Variants in AFF3 observed in about 807,000 individuals in gnomAD.
AFF3 encodes the protein ALF transcription elongation factor 3.
A neutral mutation model predicts 129.7 loss-of-function variants in AFF3; 32 were observed. That is an observed-to-expected ratio of 0.25 (90% confidence interval 0.19 to 0.33). AFF3 has a LOEUF of 0.33. Ranked by LOEUF, AFF3 falls within the 10% of genes least tolerant of loss-of-function variation. The pLI is 1.00. For synonymous variants in AFF3, 644 were observed against 635.4 expected (o/e 1.01, Z -0.20); for missense variants, 1,373 against 1,592.0 (o/e 0.86, Z 2.34).
intron 11 of AFF3, among the ~76,000 whole-genome samples, chr2:99,684,203 A>C (rs1053598123): frequency 1.3e-5 from 2 of 152,228 alleles, no homozygotes; most frequent in Non-Finnish European, 2.9e-5. Flanking sequence ...TGAGGAAAAA[A>C]GCCATCTGCC....
intron 7 of AFF3, among the ~76,000 whole-genome samples, chr2:99,848,059 A>G (rs1466022991): frequency 2.0e-5 from 3 of 151,866 alleles, no homozygotes; most frequent in Non-Finnish European, 4.4e-5. Flanking sequence ...ACGTGGGGGG[A>G]TCACCTGAGG....
At chr2:99,755,077 G>C (rs1681979234) in intron 8 of AFF3, among the ~76,000 whole-genome samples, 1 of 151,890 alleles carries the variant, frequency 6.6e-6, no homozygotes, top group African/African-American at 2.4e-5. Flanking sequence ...ATCCACAGAA[G>C]GCAGATGACA....
At chr2:100,039,786 C>T (rs1357466678) in intron 4 of AFF3, among the ~76,000 whole-genome samples, 1 of 152,102 alleles carries the variant, frequency 6.6e-6, no homozygotes, top group African/African-American at 2.4e-5. Context: ...TGAAAGTTCC[C>T]CTCCTCTTGG....
At position 99,564,177 on chromosome 2, in the gene AFF3, G is replaced by A. The variant is rs906314204; in HGVS notation, c.3119+1310C>T. On this transcript the variant is annotated intron_variant, in intron 20 of 24. Coordinates refer to ENST00000672756, the MANE Select transcript of AFF3 (RefSeq NM_001386135.1). Reference sequence around the variant, plus strand: ...ACATACTATGTGCCAGAAAATATTCGAAGGGCTGAGGATTCCCCAGTTAGC... The same window carrying A: ...ACATACTATGTGCCAGAAAATATTCAAAGGGCTGAGGATTCCCCAGTTAGC... 7.2e-5 allele frequency among the ~76,000 whole-genome samples: 11 copies of A among 152,068 alleles called. 1 individual carries two copies. The highest frequency in any genetic ancestry group is 2.2e-4 in the African/African-American group (9 of 41,398).
chr2:99,789,594 C>A (rs925933654), intron 8 of AFF3, among the ~76,000 whole-genome samples: 5 of 152,140 alleles, frequency 3.3e-5, no homozygotes, highest in African/African-American at 4.8e-5. Context: ...CTCTCTGCAT[C>A]CCCCCTGGGA....
chr2:99,875,829 C>T (rs932071932), intron 7 of AFF3, among the ~76,000 whole-genome samples: 1 of 152,174 alleles, frequency 6.6e-6, no homozygotes, highest in Admixed American at 6.5e-5. Context: ...TTGACATTTA[C>T]CCTCCAAACA....
intron 4 of AFF3, among the ~76,000 whole-genome samples, chr2:100,067,872 A>G (rs1404259544): frequency 6.6e-6 from 1 of 152,242 alleles, no homozygotes; most frequent in East Asian, 1.9e-4. Flanking sequence ...CCCAGAAGAC[A>G]TACAAAAGTC....
intron 17 of AFF3, among the ~76,000 whole-genome samples, chr2:99,581,860 T>G (rs1339451865): frequency 3.3e-5 from 5 of 149,576 alleles, no homozygotes; most frequent in South Asian, 4.3e-4. Flanking sequence ...GGAGTTTTTT[T>G]TTTTTTTTTT....
At chr2:100,091,419 C>A (rs10208291) in intron 4 of AFF3, among the ~76,000 whole-genome samples, 21,046 of 145,668 alleles carry the variant, frequency 0.14, 1,783 homozygotes, top group African/African-American at 0.2. Flanking sequence ...AAACAGCCCA[C>A]AATTAGACAA....
At chr2:99,840,025 T>C (rs540130191) in intron 7 of AFF3, among the ~76,000 whole-genome samples, 1 of 152,252 alleles carries the variant, frequency 6.6e-6, no homozygotes, top group Non-Finnish European at 1.5e-5. Flanking sequence ...TGCCTTTTTA[T>C]TGTTTTATTA....
At chr2:99,637,708 T>G (rs952746428) in intron 13 of AFF3, among the ~76,000 whole-genome samples, 1 of 152,150 alleles carries the variant, frequency 6.6e-6, no homozygotes, top group Non-Finnish European at 1.5e-5. Context: ...ATAGATATTT[T>G]AAAAAAAGAA....
chr2:99,603,028 AT>A (rs1679985062), intron 13 of AFF3, among the ~76,000 whole-genome samples: 1 of 152,166 alleles, frequency 6.6e-6, no homozygotes, highest in Non-Finnish European at 1.5e-5. Context: ...TCTTCCACCA[AT>A]GTCACGGTCC....
chr2:99,927,870 A>T (rs569035955), intron 7 of AFF3, among the ~76,000 whole-genome samples: 1 of 152,308 alleles, frequency 6.6e-6, no homozygotes, highest in Admixed American at 6.5e-5. Context: ...CTCATCTTGT[A>T]GCTCCCATAA....
At chr2:99,902,224 G>A (rs1415326749) in intron 7 of AFF3, among the ~76,000 whole-genome samples, 1 of 151,786 alleles carries the variant, frequency 6.6e-6, no homozygotes, top group African/African-American at 2.4e-5. Flanking sequence ...ATAATTTATA[G>A]CCCTGTAAAT....
intron 7 of AFF3, among the ~76,000 whole-genome samples, chr2:100,003,996 T>A (rs915480600): frequency 6.6e-6 from 1 of 151,234 alleles, no homozygotes; most frequent in Non-Finnish European, 1.5e-5. Flanking sequence ...AAAAAAAAAA[T>A]TCTCTCATTG....
chr2:100,009,022 T>C (rs1682257088), intron 4 of AFF3, 90 bp from the exon 5 acceptor site: 1 of 1,505,080 alleles, frequency 6.6e-7, no homozygotes, highest in East Asian at 2.3e-5. Context: ...AGAAGTCTGG[T>C]TCGTGGACAA....
At chr2:99,993,583 CGA>C (rs955245786) in intron 7 of AFF3, among the ~76,000 whole-genome samples, 1 of 150,702 alleles carries the variant, frequency 6.6e-6, no homozygotes, top group African/African-American at 2.4e-5. Flanking sequence ...TATACAAAAA[CGA>C]GAGAGAGTTG....
At chr2:99,558,720 C>T (rs1401200745) in intron 22 of AFF3, among the ~76,000 whole-genome samples, 155 bp downstream of exon 22, 1 of 152,166 alleles carries the variant, frequency 6.6e-6, no homozygotes, top group Non-Finnish European at 1.5e-5. Flanking sequence ...ATTCTGAGGC[C>T]TGAAAGCCAC....
At chr2:99,750,293 G>A (rs1681518434) in intron 9 of AFF3, among the ~76,000 whole-genome samples, 1 of 151,596 alleles carries the variant, frequency 6.6e-6, no homozygotes, top group African/African-American at 2.4e-5. Context: ...GAAGTAACTG[G>A]GAAAATGCAA....
Sources: allele counts gnomAD v4.1 joint callset (sites outside exome capture counted in the v4.1 genomes callset), GRCh38; gene constraint gnomAD v4.1.1; transcripts MANE v1.5; gene names NCBI Gene and HGNC (gene_info 2026-07-23, HGNC 2026-07-21).